GMEB1: variants seen among roughly 807,000 people sequenced by gnomAD.
GMEB1 encodes glucocorticoid modulatory element-binding protein 1.
GMEB1 carries 6 observed loss-of-function variants against 52.4 expected under a neutral mutation model. That is an observed-to-expected ratio of 0.11 (90% confidence interval 0.06 to 0.23). The LOEUF (loss-of-function observed/expected upper bound fraction) is 0.23. Among genes scored for constraint, GMEB1 ranks in the 10% least tolerant of loss-of-function variants. The probability of loss-of-function intolerance (pLI) is 1.00; values close to 1 mark genes in which losing one functional copy is unlikely to be tolerated. For synonymous variants in GMEB1, 255 were observed against 244.9 expected (o/e 1.04, Z -0.38); for missense variants, 486 against 685.6 (o/e 0.71, Z 3.25).
intron 4 of GMEB1, 98 bp downstream of exon 4, chr1:28,691,807 TA>T: frequency 1.5e-5 from 1 of 66,976 alleles, no homozygotes; most frequent in Non-Finnish European, 3.7e-5. Context: ...ATATCAGTTT[TA>T]TTTATTTATT....
At chr1:28,700,845 GA>G (rs1670469250) in intron 6 of GMEB1, among the ~76,000 whole-genome samples, 1 of 152,142 alleles carries the variant, frequency 6.6e-6, no homozygotes, top group African/African-American at 2.4e-5. Flanking sequence ...CTTGAAAAGT[GA>G]AAAATACTGT....
rs1005807982 is a variant in GMEB1, at chr1:28,692,236, C to CA, written c.336+535dup. ...CCTAGGCTGGAAAACCTTGCATCTT[C>CA]AAAAAAAACTATTGGCTGGGTGAGG... On this transcript the variant is annotated intron_variant, in intron 4 of 9. Coordinates refer to ENST00000373816, the MANE Select transcript of GMEB1 (RefSeq NM_001319674.2). Among the ~76,000 whole-genome samples the CA allele has an allele frequency of 2.6e-3, 374 of 143,550 alleles. 2 individuals carry two copies. Among genetic ancestry groups the CA allele is most frequent in the African/African-American group, 9.1e-3 (354 of 38,862 alleles). The allele number at this position is 143,550 out of a possible 152,430, so 94.2% of individuals were successfully genotyped here. A position where few individuals can be genotyped will look rare whatever the true frequency, so the allele number is the denominator to read the frequency against.
At chr1:28,668,268 A>C (rs1004701419), upstream of GMEB1, among the ~76,000 whole-genome samples, 1 of 151,782 alleles carries the variant, frequency 6.6e-6, no homozygotes, top group African/African-American at 2.4e-5. Flanking sequence ...TTCAACCCAG[A>C]AACTCACAAG....
chr1:28,697,651 T>A (rs767751133), intron 6 of GMEB1, among the ~76,000 whole-genome samples: 4 of 152,222 alleles, frequency 2.6e-5, no homozygotes, highest in Non-Finnish European at 5.9e-5. Flanking sequence ...CCTCCTTTGT[T>A]TTTTCCTTAC....
chr1:28,677,224 C>T (rs1669190190), intron 1 of GMEB1, among the ~76,000 whole-genome samples: 1 of 151,512 alleles, frequency 6.6e-6, no homozygotes, highest in Admixed American at 6.6e-5. Context: ...TGATCTCAAG[C>T]ATTTCAAATA....
chr1:28,682,013 C>T (rs573485505), intron 1 of GMEB1, among the ~76,000 whole-genome samples: 97 of 152,000 alleles, frequency 6.4e-4, no homozygotes, highest in African/African-American at 2.2e-3. Flanking sequence ...CCTGACTACA[C>T]GTTTTGTACT....
At chr1:28,688,116 C>T (rs76820114) in intron 2 of GMEB1, among the ~76,000 whole-genome samples, 4 of 152,138 alleles carry the variant, frequency 2.6e-5, no homozygotes, top group Admixed American at 6.6e-5. Context: ...GAAACCCCAT[C>T]TCTACTAAAA....
In GMEB1 at chr1:28,715,025, C is replaced by G; in HGVS notation, c.*252C>G. ...TCATCTTACACCAAGAAAGTAATTT[C>G]TTTTAGGGGAAGTGTCAAGATAACA... On this transcript the variant is annotated 3_prime_UTR_variant, in exon 10 of 10. Transcript: ENST00000373816. The G allele has an allele frequency of 2.3e-6, 1 of 427,010 alleles. No homozygotes were observed. Among genetic ancestry groups the G allele is most frequent in the Non-Finnish European group, 4.2e-6 (1 of 237,086 alleles). The allele number at this position is 427,010 out of a possible 1,614,324, so 26.5% of individuals were successfully genotyped here.
At chr1:28,691,362 C>T (rs1669954263) in intron 3 of GMEB1, among the ~76,000 whole-genome samples, 1 of 152,002 alleles carries the variant, frequency 6.6e-6, no homozygotes, top group African/African-American at 2.4e-5. Flanking sequence ...GTTGTAAGAA[C>T]TAAACAAGAT....
At chr1:28,697,429 A>C (rs1267387318) in intron 6 of GMEB1, among the ~76,000 whole-genome samples, 1 of 151,762 alleles carries the variant, frequency 6.6e-6, no homozygotes, top group African/African-American at 2.4e-5. Flanking sequence ...GCTGGTCTTG[A>C]ACTCCCAACC....
chr1:28,699,356 C>T (rs1177446420), intron 6 of GMEB1, among the ~76,000 whole-genome samples: 1 of 151,998 alleles, frequency 6.6e-6, no homozygotes, highest in African/African-American at 2.4e-5. Flanking sequence ...ACAAGACTTA[C>T]AAATATGCCT....
intron 1 of GMEB1, among the ~76,000 whole-genome samples, chr1:28,671,816 G>A (rs1668897160): frequency 6.6e-6 from 1 of 151,812 alleles, no homozygotes; most frequent in Non-Finnish European, 1.5e-5. Context: ...AATAGAGTGT[G>A]GAATAAATAA....
chr1:28,698,000 T>G (rs1237356338), intron 6 of GMEB1, among the ~76,000 whole-genome samples: 3 of 151,876 alleles, frequency 2.0e-5, no homozygotes, highest in African/African-American at 7.3e-5. Flanking sequence ...ATTAGCCAGG[T>G]GTGGTGGCGT....
chr1:28,696,825 A>G, intron 5 of GMEB1, 102 bp from the exon 6 acceptor site: 1 of 877,368 alleles, frequency 1.1e-6, no homozygotes, highest in East Asian at 2.7e-5. Flanking sequence ...TCACTAATCT[A>G]CACAGTAGGC....
At chr1:28,696,115 T>C (rs1056112447) in intron 5 of GMEB1, among the ~76,000 whole-genome samples, 14 of 151,652 alleles carry the variant, frequency 9.2e-5, no homozygotes, top group Admixed American at 8.6e-4. Context: ...TCACCCAGGC[T>C]GGAGTGCAGT....
chr1:28,673,216 T>C (rs1195133248), intron 1 of GMEB1, among the ~76,000 whole-genome samples: 1 of 150,000 alleles, frequency 6.7e-6, no homozygotes, highest in African/African-American at 2.5e-5. Context: ...TTTTCATTAC[T>C]AGTTCCAATG....
Position 28,668,855 on chromosome 1 carries a change from G to A in GMEB1, c.-31+16G>A, listed in dbSNP as rs1668728536. On this transcript the variant is annotated intron_variant, in intron 1 of 9. Transcript: ENST00000373816. ...GACGGAGACGGTGAGGAGGGGGAGG[G>A]GTGGGCGCGCGGGCGCGGGGTGGGG... The A allele has an allele frequency of 2.1e-5, 3 of 145,962 alleles. No individual in the cohort carries two copies. The South Asian group carries it at 6.3e-4, about 31-fold the overall frequency. The allele number at this position is 145,962 out of a possible 1,614,324, so 9.0% of individuals were successfully genotyped here. A position where few individuals can be genotyped will look rare whatever the true frequency, so the allele number is the denominator to read the frequency against.
intron 1 of GMEB1, among the ~76,000 whole-genome samples, chr1:28,675,780 CCGAA>C (rs1669127514): frequency 6.6e-6 from 1 of 152,138 alleles, no homozygotes; most frequent in Non-Finnish European, 1.5e-5. Context: ...CTCCAAAGCC[CCGAA>C]CGATCAACTC....
At chr1:28,682,756 A>G (rs1359363484) in intron 1 of GMEB1, among the ~76,000 whole-genome samples, 1 of 152,056 alleles carries the variant, frequency 6.6e-6, no homozygotes, top group Non-Finnish European at 1.5e-5. Context: ...TGAGTATTTT[A>G]AAGGATGGAG....
Sources: allele counts gnomAD v4.1 joint callset (sites outside exome capture counted in the v4.1 genomes callset), GRCh38; gene constraint gnomAD v4.1.1; transcripts MANE v1.5; gene names NCBI Gene and HGNC (gene_info 2026-07-23, HGNC 2026-07-21).